Variants in JAM3 observed in about 807,000 individuals in gnomAD.
JAM3 encodes junctional adhesion molecule 3, also known as junctional adhesion molecule C.
A neutral mutation model predicts 39.4 loss-of-function variants in JAM3; 31 were observed. The observed-to-expected ratio is 0.79, with a 90% CI of 0.59 to 1.06. The LOEUF (loss-of-function observed/expected upper bound fraction) is 1.06. Among genes scored for constraint, JAM3 ranks in the 50% least tolerant of loss-of-function variants. The pLI, the probability that JAM3 is intolerant of heterozygous loss-of-function variation, is 0.00. For synonymous variants in JAM3, 182 were observed against 148.7 expected (o/e 1.22, Z -1.63); for missense variants, 455 against 391.4 (o/e 1.16, Z -1.37).
At chr11:134,139,762 T>C (rs1248897315) in intron 1 of JAM3, 89 bp from the exon 2 acceptor site, 1 of 967,754 alleles carries the variant, frequency 1.0e-6, no homozygotes, top group Non-Finnish European at 1.7e-6. Context: ...AACCATAGCC[T>C]ACGCAGACGG....
At chr11:134,135,823 C>A (rs1942854860) in intron 1 of JAM3, among the ~76,000 whole-genome samples, 1 of 152,068 alleles carries the variant, frequency 6.6e-6, no homozygotes, top group Admixed American at 6.5e-5. Context: ...AATTCTAGCA[C>A]TTTGGGGGGC....
intron 3 of JAM3, 29 bp from the exon 4 acceptor site, chr11:134,144,212 T>G (rs1345883912): frequency 3.1e-6 from 5 of 1,613,634 alleles, no homozygotes; most frequent in Non-Finnish European, 4.2e-6. Context: ...TTTAAAGAAG[T>G]TTTTTAGTGC....
At chr11:134,101,932 C>T (rs1464852037) in intron 1 of JAM3, among the ~76,000 whole-genome samples, 1 of 152,058 alleles carries the variant, frequency 6.6e-6, no homozygotes, top group South Asian at 2.1e-4. Context: ...GTGTGGGGTA[C>T]ACATCTGTAT....
At chr11:134,097,881 C>A (rs903031691) in intron 1 of JAM3, among the ~76,000 whole-genome samples, 1 of 151,398 alleles carries the variant, frequency 6.6e-6, no homozygotes, top group Non-Finnish European at 1.5e-5. Flanking sequence ...TATTTATATA[C>A]ACACACTTTG....
chr11:134,080,329 A>G lies in JAM3; in HGVS notation c.76+11170A>G, dbSNP rs142365734. 8.5e-5 allele frequency among the ~76,000 whole-genome samples: 13 copies of G among 152,344 alleles called. No homozygotes were observed. In the East Asian group the frequency reaches 9.6e-4, roughly 11 times the overall value. On this transcript the variant is annotated intron_variant, in intron 1 of 8. Transcript: ENST00000299106. ...AAATAGCTTAGGTTTTGACTACTTC[A>G]TAGGAAAAGATGAAATCTATGGACT...
chr11:134,077,359 A>T (rs1363007872), intron 1 of JAM3, among the ~76,000 whole-genome samples: 15 of 146,444 alleles, frequency 1.0e-4, no homozygotes, highest in African/African-American at 3.8e-4. Context: ...TGTGTCAAGG[A>T]TGCCTTTTTT....
intron 1 of JAM3, among the ~76,000 whole-genome samples, chr11:134,103,101 G>A (rs1049378926): frequency 6.6e-6 from 1 of 152,154 alleles, no homozygotes; most frequent in Non-Finnish European, 1.5e-5. Flanking sequence ...AATGTTAAGG[G>A]CAGCCAGAGA....
chr11:134,095,604 C>T (rs1177851399), intron 1 of JAM3, among the ~76,000 whole-genome samples: 2 of 150,726 alleles, frequency 1.3e-5, no homozygotes, highest in African/African-American at 2.5e-5. Context: ...GCACTCCAGC[C>T]TGGCGACAGA....
At chr11:134,093,795 C>T (rs1276726595) in intron 1 of JAM3, among the ~76,000 whole-genome samples, 1 of 89,578 alleles carries the variant, frequency 1.1e-5, no homozygotes, top group Admixed American at 1.1e-4. Flanking sequence ...CTCCTGAACC[C>T]TCCTTATTCA....
intron 3 of JAM3, among the ~76,000 whole-genome samples, chr11:134,143,548 T>G (rs1246275893): frequency 2.6e-5 from 4 of 152,254 alleles, no homozygotes; most frequent in African/African-American, 9.6e-5. Flanking sequence ...GTCCAGTTTT[T>G]AAATTAGGTT....
intron 1 of JAM3, among the ~76,000 whole-genome samples, chr11:134,088,746 C>CACA (rs1941790073): frequency 4.6e-4 from 2 of 4,318 alleles, no homozygotes; most frequent in Admixed American, 4.8e-3. Context: ...GCTTGGTCTG[C>CACA]ACATTAACAC....
intron 2 of JAM3, among the ~76,000 whole-genome samples, chr11:134,140,384 A>G (rs896144044): frequency 1.3e-5 from 2 of 152,136 alleles, no homozygotes; most frequent in Non-Finnish European, 2.9e-5. Flanking sequence ...TGCTAAGATT[A>G]CAGGTGTGAG....
intron 1 of JAM3, among the ~76,000 whole-genome samples, chr11:134,125,693 T>G (rs771220259): frequency 3.3e-4 from 51 of 152,308 alleles, no homozygotes; most frequent in African/African-American, 5.3e-4. Flanking sequence ...CAGCACAGAA[T>G]GTGAGCCCCG....
chr11:134,106,860 A>G (rs536539976), intron 1 of JAM3, among the ~76,000 whole-genome samples: 1 of 152,352 alleles, frequency 6.6e-6, no homozygotes, highest in East Asian at 1.9e-4. Flanking sequence ...GTGGAGAAAC[A>G]GGAACACTTT....
At chr11:134,102,124 AGAT>A (rs984061560) in intron 1 of JAM3, among the ~76,000 whole-genome samples, 1 of 152,194 alleles carries the variant, frequency 6.6e-6, no homozygotes, top group African/African-American at 2.4e-5. Flanking sequence ...GACATTTCAT[AGAT>A]GAGAAAACTG....
intron 1 of JAM3, among the ~76,000 whole-genome samples, chr11:134,111,124 C>A (rs1942300107): frequency 7.0e-6 from 1 of 143,878 alleles, no homozygotes; most frequent in African/African-American, 2.7e-5. Flanking sequence ...ATACCCAACA[C>A]ACATCCATCT....
rs527974961 is a variant in JAM3 at position 134,124,931 on chromosome 11, G to A, written c.77-14920G>A. 5.3e-5 allele frequency among the ~76,000 whole-genome samples: 8 copies of A among 152,346 alleles called. No individual in the cohort carries two copies. The East Asian group carries it at 5.8e-4, about 11-fold the overall frequency. The stretch of plus-strand genomic sequence containing the variant: ...GAGCGGGGACCGGGCATTGAAGTCC[G>A]GCGGTGGCAGGAGCGAGGAGGCGCC... On this transcript the variant is annotated intron_variant, in intron 1 of 8. Transcript: ENST00000299106.
At chr11:134,136,657 T>C (rs1272548794) in intron 1 of JAM3, among the ~76,000 whole-genome samples, 1 of 152,220 alleles carries the variant, frequency 6.6e-6, no homozygotes, top group Non-Finnish European at 1.5e-5. Context: ...AGTGGCCCTC[T>C]GCTCTGGAGT....
chr11:134,136,973 CGTG>C (rs1942876262), intron 1 of JAM3, among the ~76,000 whole-genome samples: 2 of 152,098 alleles, frequency 1.3e-5, no homozygotes, highest in South Asian at 4.2e-4. Context: ...ATTAGCCAGG[CGTG>C]GTGGTGGGCG....
Sources: gnomAD v4.1 joint callset for allele counts (sites outside exome capture counted in the v4.1 genomes callset) on GRCh38, gnomAD v4.1.1 for gene constraint, MANE v1.5 for transcripts, NCBI Gene and HGNC (gene_info 2026-07-23, HGNC 2026-07-21) for gene names.